The following PPP1R9A variants were observed in gnomAD, a reference collection of about 807,000 sequenced individuals.
The protein encoded by PPP1R9A is neurabin-1.
In PPP1R9A, 59 loss-of-function variants were observed where a neutral mutation model predicts 141.9. The observed-to-expected ratio is 0.42, with a 90% CI of 0.34 to 0.52. The LOEUF is 0.52. Ranked by LOEUF, PPP1R9A falls within the 20% of genes least tolerant of loss-of-function variation. The pLI is 0.10. For missense variants in PPP1R9A, 1,444 were observed against 1,611.9 expected (o/e 0.90, Z 1.78); for synonymous variants, 500 against 569.7 (o/e 0.88, Z 1.74).
In PPP1R9A at chr7:95,284,170, T is replaced by C. The variant is rs1422375526; in HGVS notation, c.3449T>C (p.Leu1150Pro). The change falls in exon 17 of 20, where the codon CTT (leucine) becomes CCT (proline). Residue 1150 changes from leucine (L) to proline (P), a missense_variant. Physicochemically the swap from Leu to Pro is moderately conservative, Grantham distance 98 (BLOSUM62 -3). Transcript: ENST00000433360. ...AACCTGCCTGCGCCTACAAGTTCCCTTCAGCCTTCTCCTGAGACTCTAATT... is the reference window on the plus strand; with the variant it reads ...AACCTGCCTGCGCCTACAAGTTCCCCTCAGCCTTCTCCTGAGACTCTAATT... ...FRNLPAPTSS[L>P]QPSPETLISD... 6.3e-7 allele frequency: 1 copy of C among 1,587,252 alleles called. No homozygotes were observed. Among genetic ancestry groups the C allele is most frequent in the Non-Finnish European group, 8.6e-7 (1 of 1,168,790 alleles).
chr7:95,286,832 G>A (rs1791524714), intron 18 of PPP1R9A, among the ~76,000 whole-genome samples: 1 of 152,192 alleles, frequency 6.6e-6, no homozygotes, highest in South Asian at 2.1e-4. Context: ...GTACAAGAGA[G>A]TCAGGAAATG....
intron 19 of PPP1R9A, among the ~76,000 whole-genome samples, chr7:95,289,392 A>T (rs1268080239): frequency 6.6e-6 from 1 of 152,232 alleles, no homozygotes; most frequent in South Asian, 2.1e-4. Context: ...TTAGAGATCA[A>T]TCAATAGCTT....
At chr7:95,207,689 A>G (rs1281225293) in intron 7 of PPP1R9A, among the ~76,000 whole-genome samples, 2 of 152,202 alleles carry the variant, frequency 1.3e-5, no homozygotes, top group Admixed American at 1.3e-4. Flanking sequence ...TGAAACTGTT[A>G]TTCACATATG....
intron 8 of PPP1R9A, among the ~76,000 whole-genome samples, chr7:95,232,111 C>T (rs1796043475): frequency 6.6e-6 from 1 of 152,010 alleles, no homozygotes; most frequent in South Asian, 2.1e-4. Context: ...ACTATGAAAA[C>T]CTTTACACGC....
chr7:95,253,955 T>G (rs1344386761), intron 12 of PPP1R9A, among the ~76,000 whole-genome samples: 2 of 152,168 alleles, frequency 1.3e-5, no homozygotes, highest in Non-Finnish European at 2.9e-5. Context: ...GAAATCTGTA[T>G]CTTTTCAAAC....
chr7:94,988,165 A>G (rs1294768967), intron 2 of PPP1R9A, among the ~76,000 whole-genome samples: 2 of 152,066 alleles, frequency 1.3e-5, no homozygotes, highest in South Asian at 2.1e-4. Flanking sequence ...AATACCAGAA[A>G]ATTTTGTTAG....
At chr7:95,184,016 G>A (rs1227146635) in intron 5 of PPP1R9A, among the ~76,000 whole-genome samples, 3 of 151,978 alleles carry the variant, frequency 2.0e-5, no homozygotes, top group South Asian at 2.1e-4. Flanking sequence ...TATTAATCTA[G>A]CTCTCAATAT....
At chr7:95,125,207 T>G (rs1017809741) in intron 4 of PPP1R9A, among the ~76,000 whole-genome samples, 3 of 152,102 alleles carry the variant, frequency 2.0e-5, no homozygotes, top group African/African-American at 7.2e-5. Context: ...CCTCAAACTC[T>G]TGGGCTCAAG....
At chr7:95,270,319 C>T (rs749999154) in intron 14 of PPP1R9A, among the ~76,000 whole-genome samples, 2 of 152,138 alleles carry the variant, frequency 1.3e-5, no homozygotes, top group East Asian at 1.9e-4. Context: ...AGTGTTATAC[C>T]TTTACTTTTG....
intron 2 of PPP1R9A, among the ~76,000 whole-genome samples, chr7:94,989,526 C>G (rs918994115): frequency 1.3e-5 from 2 of 151,954 alleles, no homozygotes; most frequent in Non-Finnish European, 2.9e-5. Flanking sequence ...CAGTATAGCT[C>G]GAAGTCAATG....
At chr7:95,253,107 A>C (rs904279966) in intron 12 of PPP1R9A, among the ~76,000 whole-genome samples, 6 of 152,248 alleles carry the variant, frequency 3.9e-5, no homozygotes, top group African/African-American at 1.2e-4. Context: ...ATTAGAAAAC[A>C]CATAATAATT....
intron 2 of PPP1R9A, among the ~76,000 whole-genome samples, chr7:95,057,043 T>G (rs1023675787): frequency 3.3e-5 from 5 of 152,180 alleles, no homozygotes; most frequent in African/African-American, 1.2e-4. Context: ...ATGTATTATT[T>G]GGAGACTTCA....
intron 8 of PPP1R9A, among the ~76,000 whole-genome samples, chr7:95,229,517 G>A (rs1250233583): frequency 6.6e-6 from 1 of 151,860 alleles, no homozygotes; most frequent in Non-Finnish European, 1.5e-5. Flanking sequence ...TTCCCTGGTG[G>A]CGTATATGAC....
intron 2 of PPP1R9A, among the ~76,000 whole-genome samples, chr7:95,057,981 G>A (rs1184265887): frequency 6.6e-6 from 1 of 152,118 alleles, no homozygotes; most frequent in East Asian, 1.9e-4. Flanking sequence ...GAGATATGTA[G>A]ACCAATGGTT....
intron 2 of PPP1R9A, among the ~76,000 whole-genome samples, chr7:94,999,838 G>T (rs1012609843): frequency 5.4e-5 from 8 of 148,032 alleles, no homozygotes; most frequent in Non-Finnish European, 1.2e-4. Flanking sequence ...GTCTCACTCT[G>T]TTGCCCAGGC....
chr7:95,204,843 A>G (rs1294046111), intron 7 of PPP1R9A, among the ~76,000 whole-genome samples: 2 of 143,314 alleles, frequency 1.4e-5, no homozygotes, highest in African/African-American at 2.6e-5. Flanking sequence ...CCTCACAACC[A>G]CACACACACC....
intron 2 of PPP1R9A, among the ~76,000 whole-genome samples, chr7:95,077,978 T>G (rs1815123211): frequency 1.4e-5 from 2 of 147,010 alleles, no homozygotes; most frequent in African/African-American, 5.2e-5. Context: ...TCTACTCTGT[T>G]TTTTTTTTTT....
intron 16 of PPP1R9A, among the ~76,000 whole-genome samples, chr7:95,275,341 G>A (rs1378501446): frequency 6.6e-6 from 1 of 151,444 alleles, no homozygotes; most frequent in Non-Finnish European, 1.5e-5. Flanking sequence ...CCGGGAGGCG[G>A]AGGTTTGAGT....
At chr7:95,083,527 T>C (rs1816210558) in intron 2 of PPP1R9A, among the ~76,000 whole-genome samples, 1 of 151,890 alleles carries the variant, frequency 6.6e-6, no homozygotes, top group Admixed American at 6.6e-5. Context: ...GTAGCATGTC[T>C]TGAACTTTGT....
Sources: allele counts gnomAD v4.1 joint callset (sites outside exome capture counted in the v4.1 genomes callset), GRCh38; gene constraint gnomAD v4.1.1; transcripts MANE v1.5; gene names NCBI Gene and HGNC (gene_info 2026-07-23, HGNC 2026-07-21).